LSP1: variants seen among roughly 807,000 people sequenced by gnomAD.
LSP1 encodes the protein lymphocyte-specific protein 1.
Under a neutral mutation model 49.3 loss-of-function variants are expected in LSP1, and 32 were observed. That is an observed-to-expected ratio of 0.65 (90% confidence interval 0.49 to 0.87). The LOEUF is 0.87. Among genes scored for constraint, LSP1 ranks in the 40% least tolerant of loss-of-function variants. LSP1 has a pLI of 0.00. For missense variants in LSP1, 428 were observed against 442.6 expected (o/e 0.97, Z 0.30); for synonymous variants, 179 against 178.8 (o/e 1.00, Z -0.01).
At chr11:1,881,926 AGGCAGCTGCGAGG>A (rs1309014201) in intron 3 of LSP1, among the ~76,000 whole-genome samples, 3 of 152,150 alleles carry the variant, frequency 2.0e-5, no homozygotes, top group East Asian at 1.9e-4. Context: ...GGCCCCATCC[AGGCAGCTGCGAGG>A]CCAGGCCGGG....
At chr11:1,875,416 T>C (rs1432834499) in intron 1 of LSP1, among the ~76,000 whole-genome samples, 1 of 152,092 alleles carries the variant, frequency 6.6e-6, no homozygotes, top group Non-Finnish European at 1.5e-5. Flanking sequence ...TGAGTGAGGG[T>C]CACCCATCCG....
chr11:1,885,543 A>T (rs1466007729), intron 7 of LSP1, among the ~76,000 whole-genome samples: 10 of 150,560 alleles, frequency 6.6e-5, no homozygotes, highest in Non-Finnish European at 1.5e-4. Flanking sequence ...CTATCCCATC[A>T]ATTTCCCTCC....
chr11:1,889,872 G>T (rs1474169817), intron 10 of LSP1: 3 of 630,970 alleles, frequency 4.8e-6, no homozygotes, highest in Admixed American at 5.5e-5. Flanking sequence ...CAAGGGACTG[G>T]CAGCCTGGAC....
chr11:1,871,252 C>T, intron 1 of LSP1: 6 of 986,766 alleles, frequency 6.1e-6, no homozygotes, highest in Non-Finnish European at 6.0e-6. Context: ...GCCGCAGCCA[C>T]GCCGCCGGGA....
chr11:1,881,287 GAC>G (rs1848526783), intron 2 of LSP1, 143 bp from the exon 3 acceptor site: 4 of 767,846 alleles, frequency 5.2e-6, no homozygotes, highest in Non-Finnish European at 8.0e-6. Flanking sequence ...GACCACAGGA[GAC>G]ACAGCCCAGA....
chr11:1,860,300 G>GATGGATGGATGA (rs1281997872), intron 1 of LSP1, among the ~76,000 whole-genome samples: 4 of 152,002 alleles, frequency 2.6e-5, no homozygotes, highest in African/African-American at 9.7e-5. Context: ...TTGAATGATG[G>GATGGATGGATGA]ATGGATGGGT....
At chr11:1,863,858 C>A (rs1024740050) in intron 1 of LSP1, among the ~76,000 whole-genome samples, 5 of 152,128 alleles carry the variant, frequency 3.3e-5, no homozygotes, top group African/African-American at 1.2e-4. Context: ...GAAGATGCTG[C>A]GTTGGTGGCG....
chr11:1,881,870 G>A (rs1589827559), intron 3 of LSP1, among the ~76,000 whole-genome samples: 2 of 152,274 alleles, frequency 1.3e-5, no homozygotes, highest in South Asian at 2.1e-4. Context: ...GGTGGCCGGC[G>A]AGGGGCCGCG....
chr11:1,887,624 A>ACCT, intron 10 of LSP1, 48 bp downstream of exon 10: 2 of 1,518,812 alleles, frequency 1.3e-6, no homozygotes, highest in Non-Finnish European at 9.1e-7. Context: ...ACACACGTGC[A>ACCT]CTGTGCTGGG....
intron 1 of LSP1, among the ~76,000 whole-genome samples, chr11:1,872,439 C>T (rs527877924): frequency 5.9e-5 from 7 of 118,156 alleles, no homozygotes; most frequent in African/African-American, 1.3e-4. Flanking sequence ...CATCCTGGTG[C>T]GTGCTGGTAG....
intron 10 of LSP1, chr11:1,889,827 C>G (rs1408140091): frequency 1.1e-5 from 7 of 634,314 alleles, no homozygotes; most frequent in Non-Finnish European, 2.0e-5. Context: ...GGCCTGGAAG[C>G]CGGGTGGCGG....
At chr11:1,889,716 C>G in intron 10 of LSP1, 1 of 649,718 alleles carries the variant, frequency 1.5e-6, no homozygotes, top group Non-Finnish European at 2.8e-6. Context: ...GTGCTCTCTG[C>G]CAGGGCCCAT....
chr11:1,863,975 G>A (rs886565349), intron 1 of LSP1, among the ~76,000 whole-genome samples: 1 of 151,764 alleles, frequency 6.6e-6, no homozygotes, highest in Non-Finnish European at 1.5e-5. Flanking sequence ...GGGGTGCCAA[G>A]CCTTCTCTGG....
At chr11:1,857,494 C>T (rs769247618) in intron 1 of LSP1, among the ~76,000 whole-genome samples, 9 of 152,208 alleles carry the variant, frequency 5.9e-5, no homozygotes, top group East Asian at 3.9e-4. Flanking sequence ...AGTGGTCTCC[C>T]GCTCTGAGTC....
At chr11:1,861,553 T>C (rs1371032506) in intron 1 of LSP1, among the ~76,000 whole-genome samples, 2 of 151,400 alleles carry the variant, frequency 1.3e-5, no homozygotes, top group African/African-American at 4.9e-5. Flanking sequence ...AATGGATGGA[T>C]AGATGGATAA....
At chr11:1,880,515 G>T (rs1848494681) in intron 2 of LSP1, among the ~76,000 whole-genome samples, 1 of 152,170 alleles carries the variant, frequency 6.6e-6, no homozygotes, top group South Asian at 2.1e-4. Context: ...CACGCAGCCT[G>T]GCCGAGCCCC....
intron 1 of LSP1, chr11:1,865,157 G>A (rs1565073379): frequency 4.1e-6 from 4 of 984,202 alleles, no homozygotes; most frequent in African/African-American, 3.5e-5. Context: ...CTCTATCCCC[G>A]GGGCTGGGGT....
chr11:1,885,426 C>T (rs1848714979), intron 7 of LSP1, among the ~76,000 whole-genome samples: 1 of 152,058 alleles, frequency 6.6e-6, no homozygotes, highest in Non-Finnish European at 1.5e-5. Context: ...TACCCCTATT[C>T]ATTCAGTGCT....
chr11:1,889,617 C>T, intron 10 of LSP1: 2 of 614,464 alleles, frequency 3.3e-6, no homozygotes, highest in East Asian at 2.8e-5. Context: ...TGGGTGAGGG[C>T]CTGATGGTGG....
Sources: gnomAD v4.1 joint callset for allele counts (sites outside exome capture counted in the v4.1 genomes callset) on GRCh38, gnomAD v4.1.1 for gene constraint, MANE v1.5 for transcripts, NCBI Gene and HGNC (gene_info 2026-07-23, HGNC 2026-07-21) for gene names.